The following PALM2AKAP2 variants were observed in gnomAD, a reference collection of about 807,000 sequenced individuals.
The protein encoded by PALM2AKAP2 is PALM2 and AKAP2 fusion, also known as PALM2-AKAP2 fusion protein.
In PALM2AKAP2, 37 loss-of-function variants were observed where a neutral mutation model predicts 71.5. The observed-to-expected ratio is 0.52, with a 90% CI of 0.40 to 0.68. PALM2AKAP2 has a LOEUF of 0.68. Ranked by LOEUF, PALM2AKAP2 falls within the 30% of genes least tolerant of loss-of-function variation. The pLI is 0.00. For missense variants in PALM2AKAP2, 1,224 were observed against 1,191.8 expected (o/e 1.03, Z -0.40); for synonymous variants, 468 against 478.8 (o/e 0.98, Z 0.29).
At chr9:109,842,367 G>T (rs1413684294) in intron 1 of PALM2AKAP2, among the ~76,000 whole-genome samples, 1 of 152,180 alleles carries the variant, frequency 6.6e-6, no homozygotes, top group African/African-American at 2.4e-5. Flanking sequence ...AGAAAGAAGG[G>T]ACTTTGCAAA....
chr9:109,908,266 C>A (rs1217928546), intron 3 of PALM2AKAP2, among the ~76,000 whole-genome samples: 2 of 152,186 alleles, frequency 1.3e-5, no homozygotes, highest in Non-Finnish European at 2.9e-5. Context: ...CACAGCAGCT[C>A]CCTTTGATCA....
rs549538241 is a variant in PALM2AKAP2, at chr9:110,135,532, G to A, written c.157-595G>A. On this transcript the variant is annotated intron_variant, in intron 1 of 3. Transcript: ENST00000374525. The stretch of plus-strand genomic sequence containing the variant: ...CTTCTTAACTAAAGAGTATTATTTT[G>A]ATGCAATCCCAGAAAACAGAGCTGT... Among the ~76,000 whole-genome samples, 10 of 152,074 alleles carry A rather than the reference G, an allele frequency of 6.6e-5. No individual in the cohort carries two copies. In the South Asian group the frequency reaches 2.1e-3, roughly 32 times the overall value.
At chr9:110,096,296 C>G (rs183507277) in intron 1 of PALM2AKAP2, among the ~76,000 whole-genome samples, 9 of 152,220 alleles carry the variant, frequency 5.9e-5, no homozygotes, top group Admixed American at 1.3e-4. Flanking sequence ...CAGGGTCTTG[C>G]TCTGTTGCCC....
In PALM2AKAP2 at chr9:109,820,515, G is replaced by A. The variant is rs148922326; in HGVS notation, c.45+39982G>A. Among the ~76,000 whole-genome samples the A allele has an allele frequency of 5.1e-3, 772 of 152,308 alleles. 2 individuals are homozygous for A. The highest frequency in any genetic ancestry group is 8.5e-3 in the Non-Finnish European group (578 of 68,022). Reference sequence around the variant, plus strand: ...GGGCAAAGGAGATAAAATTGTTCAGGGCCAACAGATCTCAGAGTTTCTTGG... The same window carrying A: ...GGGCAAAGGAGATAAAATTGTTCAGAGCCAACAGATCTCAGAGTTTCTTGG... On this transcript the variant is annotated intron_variant, in intron 1 of 9. Transcript: ENST00000302798.
intron 7 of PALM2AKAP2, among the ~76,000 whole-genome samples, chr9:110,017,267 C>T (rs1264562225): frequency 6.6e-6 from 1 of 152,184 alleles, no homozygotes; most frequent in Admixed American, 6.5e-5. Flanking sequence ...GAAGGCTAAA[C>T]TTGTGTTGTC....
At chr9:109,901,551 G>T (rs1830331135) in intron 3 of PALM2AKAP2, among the ~76,000 whole-genome samples, 1 of 152,206 alleles carries the variant, frequency 6.6e-6, no homozygotes, top group Admixed American at 6.5e-5. Flanking sequence ...AGCAGTTCTG[G>T]AGAAGAGTCA....
intron 1 of PALM2AKAP2, among the ~76,000 whole-genome samples, chr9:110,079,093 T>C (rs1472102174): frequency 6.6e-6 from 1 of 152,194 alleles, no homozygotes; most frequent in Admixed American, 6.5e-5. Context: ...CAAGAAATAT[T>C]ATTTCCCTTT....
intron 1 of PALM2AKAP2, among the ~76,000 whole-genome samples, chr9:109,772,676 A>G (rs1286568177): frequency 6.6e-6 from 1 of 152,226 alleles, no homozygotes; most frequent in African/African-American, 2.4e-5. Context: ...AACATCAAGG[A>G]GTGAATGAGA....
At chr9:110,040,663 A>AT (rs200411986) in intron 7 of PALM2AKAP2, among the ~76,000 whole-genome samples, 1,658 of 152,062 alleles carry the variant, frequency 0.011, 16 homozygotes, top group Middle Eastern at 0.017. Context: ...TTACAGTCGT[A>AT]TTTTTTTTAA....
chr9:109,796,486 T>TA (rs1827256516), intron 1 of PALM2AKAP2, among the ~76,000 whole-genome samples: 2 of 152,222 alleles, frequency 1.3e-5, no homozygotes, highest in Admixed American at 6.5e-5. Context: ...TAATGTTATA[T>TA]AAAAAGTCTG....
chr9:110,115,721 G>A (rs1033362973), intron 1 of PALM2AKAP2, among the ~76,000 whole-genome samples: 1 of 150,976 alleles, frequency 6.6e-6, no homozygotes, highest in African/African-American at 2.4e-5. Flanking sequence ...AGAGTGGGTG[G>A]CAATTCACAG....
chr9:109,819,511 T>C (rs1181969162), intron 1 of PALM2AKAP2, among the ~76,000 whole-genome samples: 2 of 152,150 alleles, frequency 1.3e-5, no homozygotes. Flanking sequence ...GCCAATATGA[T>C]CTTATATGTC....
At chr9:110,022,270 G>T (rs1833086096) in intron 7 of PALM2AKAP2, among the ~76,000 whole-genome samples, 1 of 152,120 alleles carries the variant, frequency 6.6e-6, no homozygotes, top group Non-Finnish European at 1.5e-5. Flanking sequence ...ACGGTGGTGG[G>T]AAGATTGCTT....
chr9:109,676,422 A>G (rs1430610916), intron 1 of PALM2AKAP2, among the ~76,000 whole-genome samples: 1 of 152,126 alleles, frequency 6.6e-6, no homozygotes, highest in East Asian at 1.9e-4. Context: ...GGAAGAGCAA[A>G]TTTGGATGAA....
intron 1 of PALM2AKAP2, among the ~76,000 whole-genome samples, chr9:109,828,619 G>C (rs186610511): frequency 2.6e-3 from 401 of 152,198 alleles, no homozygotes; most frequent in Non-Finnish European, 4.9e-3. Flanking sequence ...AATTCTATTG[G>C]GGTAGATCTG....
At chr9:110,082,868 G>A (rs940868352) in intron 1 of PALM2AKAP2, among the ~76,000 whole-genome samples, 1 of 152,192 alleles carries the variant, frequency 6.6e-6, no homozygotes, top group African/African-American at 2.4e-5. Context: ...AGGGCTGGGC[G>A]TGGTGACTCA....
chr9:110,142,217 G>C (rs1836051757), intron 2 of PALM2AKAP2, among the ~76,000 whole-genome samples: 1 of 151,860 alleles, frequency 6.6e-6, no homozygotes, highest in Non-Finnish European at 1.5e-5. Flanking sequence ...GATTACAGGT[G>C]TCCATCACCA....
intron 3 of PALM2AKAP2, among the ~76,000 whole-genome samples, chr9:110,160,471 C>T (rs547492787): frequency 1.4e-4 from 21 of 152,294 alleles, no homozygotes; most frequent in African/African-American, 5.1e-4. Context: ...GGTGGGGTTG[C>T]CCACTCATGG....
intron 1 of PALM2AKAP2, among the ~76,000 whole-genome samples, chr9:109,763,210 G>C (rs1193309301): frequency 6.6e-6 from 1 of 152,128 alleles, no homozygotes; most frequent in African/African-American, 2.4e-5. Flanking sequence ...TCAGAGGGCG[G>C]AGGGACCACA....
Sources: gnomAD v4.1 joint callset for allele counts (sites outside exome capture counted in the v4.1 genomes callset) on GRCh38, gnomAD v4.1.1 for gene constraint, MANE v1.5 for transcripts, NCBI Gene and HGNC (gene_info 2026-07-23, HGNC 2026-07-21) for gene names.